FSHR: variants seen among roughly 807,000 people sequenced by gnomAD.
The protein encoded by FSHR is follicle stimulating hormone receptor, also known as follicle-stimulating hormone receptor.
FSHR carries 46 observed loss-of-function variants against 52.1 expected under a neutral mutation model. The ratio of observed to expected loss-of-function variants is 0.88; its 90% CI spans 0.70 to 1.13. The LOEUF is 1.13. FSHR is among the 50% of genes most tolerant of loss of function. FSHR has a pLI of 0.00. For missense variants in FSHR, 964 were observed against 834.6 expected, an observed-to-expected ratio of 1.16 and a Z score of -1.91; for synonymous variants, 399 against 309.6, an observed-to-expected ratio of 1.29 and a Z score of -3.03.
chr2:49,078,502 A>T (rs568890304), intron 1 of FSHR, among the ~76,000 whole-genome samples: 1 of 152,222 alleles, frequency 6.6e-6, no homozygotes, highest in Non-Finnish European at 1.5e-5. Context: ...TATAGGGACA[A>T]TGTGCATTTA....
intron 1 of FSHR, among the ~76,000 whole-genome samples, chr2:49,131,534 T>A (rs1672277096): frequency 6.6e-6 from 1 of 152,174 alleles, no homozygotes. Flanking sequence ...GAGAAGCCGT[T>A]TATTTTACGT....
At chr2:49,017,448 A>G (rs375700282) in intron 4 of FSHR, 41 bp downstream of exon 4, 33 of 1,465,764 alleles carry the variant, frequency 2.3e-5, no homozygotes, top group Middle Eastern at 1.7e-4. Context: ...GGCTTGCACT[A>G]TTTAATCATA....
chr2:49,087,854 A>G (rs1045834577), intron 1 of FSHR, among the ~76,000 whole-genome samples: 1 of 152,228 alleles, frequency 6.6e-6, no homozygotes, highest in Non-Finnish European at 1.5e-5. Flanking sequence ...TAAGACAGAC[A>G]CATTTCCTTC....
At chr2:49,124,175 T>TA (rs1169721319) in intron 1 of FSHR, among the ~76,000 whole-genome samples, 1 of 140,642 alleles carries the variant, frequency 7.1e-6, no homozygotes, top group Non-Finnish European at 1.5e-5. Context: ...TTTTTTTTTT[T>TA]AAGTAGAGAA....
chr2:49,118,712 T>A (rs1671692571), intron 1 of FSHR, among the ~76,000 whole-genome samples: 1 of 152,158 alleles, frequency 6.6e-6, no homozygotes, highest in African/African-American at 2.4e-5. Flanking sequence ...TATATGCTCA[T>A]TAACATACCC....
chr2:49,019,175 T>C (rs1667604891), intron 3 of FSHR, among the ~76,000 whole-genome samples: 1 of 152,222 alleles, frequency 6.6e-6, no homozygotes, highest in South Asian at 2.1e-4. Context: ...TCTTGGAGAT[T>C]CTAAATGCAT....
chr2:49,013,463 A>AAT (rs373195880), intron 4 of FSHR, among the ~76,000 whole-genome samples: 14,780 of 133,120 alleles, frequency 0.11, 953 homozygotes, highest in East Asian at 0.19. Flanking sequence ...TATATATATA[A>AAT]ATATATATAT....
chr2:49,068,424 A>G (rs1669593704), intron 1 of FSHR, 134 bp from the exon 2 acceptor site: 4 of 745,948 alleles, frequency 5.4e-6, no homozygotes, highest in Non-Finnish European at 9.4e-6. Context: ...TTGCTTTTAC[A>G]TTCTCTCTTT....
intron 9 of FSHR, among the ~76,000 whole-genome samples, chr2:48,967,045 T>C (rs988713310): frequency 2.1e-4 from 32 of 152,122 alleles, no homozygotes; most frequent in African/African-American, 7.5e-4. Context: ...TTGGGGTGTG[T>C]TGGAACTGGG....
chr2:49,009,961 T>C (rs78761861), intron 4 of FSHR, among the ~76,000 whole-genome samples: 111,811 of 123,694 alleles, frequency 0.9, 50,891 homozygotes, highest in African/African-American at 0.97. Context: ...TATACAATCA[T>C]GTCGTCTGCA....
intron 1 of FSHR, among the ~76,000 whole-genome samples, chr2:49,099,725 G>A (rs4971881): frequency 0.066 from 10,080 of 152,092 alleles, 587 homozygotes; most frequent in East Asian, 0.22. Flanking sequence ...GGAGTGATGC[G>A]TCTGTAAAAC....
rs267599404 is a variant in FSHR at position 48,968,809 on chromosome 2, G to A, written c.743C>T (p.Ser248Leu). Residue 248 changes from serine to leucine, a missense_variant, in exon 9 of 10, where the codon TCG (serine) becomes TTG (leucine). Coordinates refer to ENST00000406846, the MANE Select transcript of FSHR (RefSeq NM_000145.4). ...AGGCAGCTTTTTTAAGTTGTAAGTC[G>A]ACCTGGCCCTCAGCTTCTTAAGATT... ...LENLKKLRARSTYNLKKLPTL... is the reference protein window; with the variant it reads ...LENLKKLRARLTYNLKKLPTL... 18 of 1,614,050 alleles carry A rather than the reference G, an allele frequency of 1.1e-5. No individual in the cohort carries two copies. Among genetic ancestry groups the A allele is most frequent in the African/African-American group, 1.3e-5 (1 of 75,026 alleles).
intron 4 of FSHR, among the ~76,000 whole-genome samples, chr2:49,004,535 A>G (rs1417195298): frequency 6.6e-6 from 1 of 152,190 alleles, no homozygotes; most frequent in African/African-American, 2.4e-5. Flanking sequence ...CATGAAGATC[A>G]CAGTTCAGAA....
chr2:49,088,348 T>C (rs907000914), intron 1 of FSHR, among the ~76,000 whole-genome samples: 10 of 152,174 alleles, frequency 6.6e-5, no homozygotes, highest in Admixed American at 3.9e-4. Context: ...TGCGAGGTTG[T>C]GCTGGGACTT....
At chr2:49,131,738 ATAT>A (rs1182374706) in intron 1 of FSHR, among the ~76,000 whole-genome samples, 1 of 152,194 alleles carries the variant, frequency 6.6e-6, no homozygotes, top group African/African-American at 2.4e-5. Context: ...TTCAGAGAAA[ATAT>A]TATTTCCTTC....
At chr2:49,006,209 T>A (rs886419438) in intron 4 of FSHR, among the ~76,000 whole-genome samples, 1 of 152,124 alleles carries the variant, frequency 6.6e-6, no homozygotes, top group Non-Finnish European at 1.5e-5. Flanking sequence ...CTATTAGTTA[T>A]GTCCCTCTAA....
chr2:49,098,968 C>T (rs1417526381), intron 1 of FSHR, among the ~76,000 whole-genome samples: 2 of 150,668 alleles, frequency 1.3e-5, no homozygotes, highest in Admixed American at 6.7e-5. Flanking sequence ...CCCACACATA[C>T]ACACATTAGA....
chr2:49,004,617 C>T (rs777255335), intron 4 of FSHR, among the ~76,000 whole-genome samples: 1 of 152,112 alleles, frequency 6.6e-6, no homozygotes, highest in Non-Finnish European at 1.5e-5. Flanking sequence ...CCTCTTGAAG[C>T]ATATTTTGTT....
intron 2 of FSHR, among the ~76,000 whole-genome samples, chr2:49,054,821 T>A (rs1369143431): frequency 6.6e-6 from 1 of 152,128 alleles, no homozygotes. Context: ...CACTATTGTA[T>A]CCACCTAGAA....
Sources: allele counts gnomAD v4.1 joint callset (sites outside exome capture counted in the v4.1 genomes callset), GRCh38; gene constraint gnomAD v4.1.1; transcripts MANE v1.5; gene names NCBI Gene and HGNC (gene_info 2026-07-23, HGNC 2026-07-21).